The following POLA1 variants were observed in gnomAD, a reference collection of about 807,000 sequenced individuals.
POLA1 encodes DNA polymerase alpha catalytic subunit.
In POLA1, 15 loss-of-function variants were observed where a neutral mutation model predicts 124.0. That is an observed-to-expected ratio of 0.12 (90% CI 0.08 to 0.19). POLA1 has a LOEUF of 0.19. POLA1 is among the 10% of genes least tolerant of loss of function. POLA1 has a pLI of 1.00. For synonymous variants in POLA1, 408 were observed against 389.4 expected (o/e 1.05, Z -0.56); for missense variants, 886 against 1,103.4 (o/e 0.80, Z 2.79).
At chrX:24,740,920 T>G (rs1450325974) in intron 20 of POLA1, among the ~76,000 whole-genome samples, 1 of 111,433 alleles carries the variant, frequency 9.0e-6, no homozygotes, top group Non-Finnish European at 1.9e-5. Context: ...ATTTCTTTGT[T>G]TTTTTTTATA....
At chrX:24,767,207 A>T (rs774436324) in intron 26 of POLA1, among the ~76,000 whole-genome samples, 7 of 112,346 alleles carry the variant, frequency 6.2e-5, no homozygotes, top group Non-Finnish European at 1.3e-4. Flanking sequence ...GATAAATTGA[A>T]TCACTGTAAT....
intron 35 of POLA1, among the ~76,000 whole-genome samples, chrX:24,909,268 T>C (rs2147175763): frequency 8.9e-6 from 1 of 112,317 alleles, no homozygotes; most frequent in East Asian, 2.8e-4. Flanking sequence ...TTTTGGCTTT[T>C]GTTGCCATTG....
chrX:24,896,883 G>A (rs192676474), intron 35 of POLA1, among the ~76,000 whole-genome samples: 1 of 112,241 alleles, frequency 8.9e-6, no homozygotes, highest in Admixed American at 9.4e-5. Flanking sequence ...TGCTAGATTC[G>A]TAAGACGAGA....
chrX:24,832,664 A>T (rs2147039822), intron 32 of POLA1, among the ~76,000 whole-genome samples: 1 of 112,186 alleles, frequency 8.9e-6, no homozygotes, highest in South Asian at 3.7e-4. Flanking sequence ...CGTGTAGCTT[A>T]TAGAAAAATG....
intron 35 of POLA1, among the ~76,000 whole-genome samples, chrX:24,920,814 C>G (rs1262674644): frequency 8.9e-6 from 1 of 112,173 alleles, no homozygotes; most frequent in Non-Finnish European, 1.9e-5. Flanking sequence ...ATCTATCATG[C>G]TGAACTTCAT....
intron 31 of POLA1, among the ~76,000 whole-genome samples, chrX:24,825,014 C>T (rs986683695): frequency 9.0e-6 from 1 of 111,230 alleles, no homozygotes; most frequent in African/African-American, 3.3e-5. Context: ...TTCATAATTC[C>T]GTAAATTGTT....
chrX:24,739,602 G>A (rs769908241), intron 20 of POLA1, 52 bp downstream of exon 20: 5 of 793,461 alleles, frequency 6.3e-6, no homozygotes, highest in Non-Finnish European at 7.5e-6. Flanking sequence ...AACAACAGCA[G>A]GACACTACTA....
At position 24,947,460 on chromosome X, in the gene POLA1, A is replaced by G. The variant is rs748675127; in HGVS notation, c.4261+16911A>G. Among the ~76,000 whole-genome samples the G allele has an allele frequency of 5.6e-5, 6 of 106,853 alleles. No individual in the cohort carries two copies. In the East Asian group the frequency reaches 1.8e-3, roughly 31 times the overall value. The allele number at this position is 106,853 out of a possible 115,157, so 92.8% of individuals were successfully genotyped here. A position where few individuals can be genotyped will look rare whatever the true frequency, so the allele number is the denominator to read the frequency against. On this transcript the variant is annotated intron_variant, in intron 36 of 36. Transcript: ENST00000379068. ...TTTTTTGTATTTTTTTTTTAGAGAC[A>G]AGGTTTTGCCATGTTGCTCAAGTTG... is the stretch of plus-strand genomic sequence containing the variant.
At chrX:24,834,297 A>G (rs559954907) in intron 32 of POLA1, among the ~76,000 whole-genome samples, 1 of 111,852 alleles carries the variant, frequency 8.9e-6, no homozygotes, top group East Asian at 2.8e-4. Flanking sequence ...TATCTTCTCC[A>G]GGAAAATAAA....
Position 24,841,834 on chromosome X carries a change from AGTT to A in POLA1, c.3915+8_3915+10del. ...TGATAATGTCTTTGATGGTTCGGTTAGTTGTTTCTGTCTTTCATTTTGTGAGTG... is the reference window on the plus strand; with the variant it reads ...TGATAATGTCTTTGATGGTTCGGTTAGTTTCTGTCTTTCATTTTGTGAGTG... On this transcript the variant is annotated splice_donor_5th_base_variant and intron_variant, in intron 33 of 36. Coordinates refer to ENST00000379068, the MANE Select transcript of POLA1 (RefSeq NM_001330360.2). 8.5e-7 allele frequency: 1 copy of A among 1,180,779 alleles called. No homozygotes were observed. The highest frequency in any genetic ancestry group is 1.1e-6 in the Non-Finnish European group (1 of 870,226).
chrX:24,991,525 C>A (rs182149320), intron 36 of POLA1, among the ~76,000 whole-genome samples: 1 of 112,602 alleles, frequency 8.9e-6, no homozygotes, highest in East Asian at 2.8e-4. Context: ...ACTGAACAAC[C>A]CTTCCTGGTA....
At chrX:24,972,138 T>G (rs2048311092) in intron 36 of POLA1, among the ~76,000 whole-genome samples, 2 of 109,696 alleles carry the variant, frequency 1.8e-5, no homozygotes, top group South Asian at 7.8e-4. Flanking sequence ...CCGGCTAAGT[T>G]TTTTGTATTT....
chrX:24,727,107 T>C, intron 14 of POLA1, 36 bp downstream of exon 14: 1 of 1,117,347 alleles, frequency 8.9e-7, no homozygotes, highest in Non-Finnish European at 1.2e-6. Context: ...GCTGAATAGA[T>C]TGCTGATAGA....
At chrX:24,728,553 C>CAGGA (rs1930688681) in intron 15 of POLA1, among the ~76,000 whole-genome samples, 4 of 111,844 alleles carry the variant, frequency 3.6e-5, no homozygotes, top group Non-Finnish European at 7.5e-5. Context: ...CTCTTTTAAA[C>CAGGA]AGGAAGAACT....
chrX:24,771,184 G>C (rs1424157502), intron 26 of POLA1, among the ~76,000 whole-genome samples: 1 of 111,066 alleles, frequency 9.0e-6, no homozygotes, highest in Admixed American at 9.6e-5. Flanking sequence ...GAGGACTTCT[G>C]AGGATAACAG....
chrX:24,996,050 C>T lies in POLA1; in HGVS notation c.*100C>T, dbSNP rs1371821976. The stretch of plus-strand genomic sequence containing the variant: ...AATGCTCCTCCAGCATCTGTTTCTC[C>T]CTTGGGACTGTGTCTCATGTTTGTG... On this transcript the variant is annotated 3_prime_UTR_variant, in exon 37 of 37. Transcript: ENST00000379068. The T allele has an allele frequency of 1.1e-5, 8 of 745,462 alleles. No homozygotes were observed. Among genetic ancestry groups the T allele is most frequent in the Non-Finnish European group, 1.6e-5 (8 of 505,840 alleles). 61.4% of individuals were successfully genotyped at this position (745,462 alleles called of 1,213,427 possible). A position where few individuals can be genotyped will look rare whatever the true frequency, so the allele number is the denominator to read the frequency against.
Position 24,732,470 on chromosome X carries a change from TA to T in POLA1, c.1771+18del. ...CACTTCTGTGGTATGTATTTTTTTT[TA>T]AGCTGGCTTACTAACAGCTTGATTT... On this transcript the variant is annotated intron_variant, in intron 16 of 36. Transcript: ENST00000379068. 1 of 980,210 alleles carries T rather than the reference TA, an allele frequency of 1.0e-6. No homozygotes were observed. Among genetic ancestry groups the T allele is most frequent in the Non-Finnish European group, 1.5e-6 (1 of 686,014 alleles). The allele number at this position is 980,210 out of a possible 1,213,427, so 80.8% of individuals were successfully genotyped here. A position where few individuals can be genotyped will look rare whatever the true frequency, so the allele number is the denominator to read the frequency against.
intron 26 of POLA1, among the ~76,000 whole-genome samples, chrX:24,757,953 G>T (rs1821708882): frequency 1.8e-5 from 2 of 111,660 alleles, no homozygotes; most frequent in South Asian, 7.5e-4. Context: ...TTTATCTGCA[G>T]ATCGTTTATA....
intron 2 of POLA1, among the ~76,000 whole-genome samples, chrX:24,701,816 T>C (rs1928451571): frequency 9.3e-6 from 1 of 107,064 alleles, no homozygotes. Flanking sequence ...TGCAGTGGTG[T>C]GTTCTTGGCT....
Sources: gnomAD v4.1 joint callset for allele counts (sites outside exome capture counted in the v4.1 genomes callset) on GRCh38, gnomAD v4.1.1 for gene constraint, MANE v1.5 for transcripts, NCBI Gene and HGNC (gene_info 2026-07-23, HGNC 2026-07-21) for gene names.